Variants in CYRIB observed in about 807,000 individuals in gnomAD.
CYRIB encodes the protein CYFIP-related Rac1 interactor B.
A neutral mutation model predicts 44.2 loss-of-function variants in CYRIB; 8 were observed. The ratio of observed to expected loss-of-function variants is 0.18; its 90% confidence interval spans 0.11 to 0.33. CYRIB has a LOEUF of 0.33. Among genes scored for constraint, CYRIB ranks in the 10% least tolerant of loss-of-function variants. The probability of loss-of-function intolerance (pLI) is 1.00; values close to 1 mark genes in which losing one functional copy is unlikely to be tolerated. For missense variants in CYRIB, 185 were observed against 382.8 expected (o/e 0.48, Z 4.31); for synonymous variants, 131 against 127.2 (o/e 1.03, Z -0.20).
intron 1 of CYRIB, among the ~76,000 whole-genome samples, chr8:129,998,608 C>T (rs1427227005): frequency 2.0e-5 from 3 of 151,602 alleles, no homozygotes; most frequent in African/African-American, 7.3e-5. Context: ...GGGTTGTTGG[C>T]TTTGCAATGT....
chr8:129,922,639 G>T (rs1347542602), intron 1 of CYRIB, among the ~76,000 whole-genome samples: 4 of 151,764 alleles, frequency 2.6e-5, no homozygotes, highest in African/African-American at 9.7e-5. Flanking sequence ...CGAGGCGGGC[G>T]GATCACGAGG....
At chr8:129,850,031 T>C (rs530048390) in intron 9 of CYRIB, 12 of 152,360 alleles carry the variant, frequency 7.9e-5, no homozygotes, top group African/African-American at 2.9e-4. Flanking sequence ...GGAACCAGGA[T>C]AGAGACATCC....
chr8:129,912,434 T>G (rs925559155), intron 1 of CYRIB: 1 of 151,746 alleles, frequency 6.6e-6, no homozygotes, highest in Admixed American at 6.6e-5. Context: ...TTACAAAGTT[T>G]TTTTTTTTTT....
At chr8:129,930,748 A>G (rs2090946457) in intron 1 of CYRIB, among the ~76,000 whole-genome samples, 1 of 152,220 alleles carries the variant, frequency 6.6e-6, no homozygotes, top group African/African-American at 2.4e-5. Context: ...ACATTTTAAT[A>G]CAGGCAGTTC....
chr8:129,866,628 T>G (rs1272717457), intron 4 of CYRIB, among the ~76,000 whole-genome samples: 1 of 152,238 alleles, frequency 6.6e-6, no homozygotes, highest in Non-Finnish European at 1.5e-5. Flanking sequence ...AGTTAAAATT[T>G]TATTTTCTTC....
chr8:130,001,976 TG>T (rs1223511726), intron 1 of CYRIB, among the ~76,000 whole-genome samples: 3 of 152,220 alleles, frequency 2.0e-5, no homozygotes, highest in African/African-American at 7.2e-5. Flanking sequence ...GAGATGTCTA[TG>T]GTGGCTGTTC....
chr8:129,939,272 G>T (rs995755633), intron 1 of CYRIB, among the ~76,000 whole-genome samples: 1 of 151,090 alleles, frequency 6.6e-6, no homozygotes, highest in Non-Finnish European at 1.5e-5. Context: ...CACGGGAAGG[G>T]ACGAGCCAAC....
At chr8:129,848,597 GTC>G (rs755756162) in intron 10 of CYRIB, among the ~76,000 whole-genome samples, 1 of 152,112 alleles carries the variant, frequency 6.6e-6, no homozygotes, top group Non-Finnish European at 1.5e-5. Flanking sequence ...TCAAGACAGG[GTC>G]TCTCTCTCAC....
chr8:129,912,837 T>A (rs951270831), intron 1 of CYRIB, among the ~76,000 whole-genome samples: 5 of 152,116 alleles, frequency 3.3e-5, no homozygotes, highest in African/African-American at 1.2e-4. Flanking sequence ...AATCTGTGTG[T>A]CATGTTTACG....
At chr8:129,881,703 G>A (rs1181758884) in intron 2 of CYRIB, among the ~76,000 whole-genome samples, 1 of 152,176 alleles carries the variant, frequency 6.6e-6, no homozygotes, top group Non-Finnish European at 1.5e-5. Context: ...CAATGGGGGA[G>A]GTGGAGATCT....
At chr8:129,909,600 T>C (rs190728602) in intron 1 of CYRIB, among the ~76,000 whole-genome samples, 1 of 152,354 alleles carries the variant, frequency 6.6e-6, no homozygotes, top group East Asian at 1.9e-4. Flanking sequence ...TGCTGGACAT[T>C]CAGGTTTTTC....
At chr8:129,997,620 T>C (rs932879843) in intron 1 of CYRIB, among the ~76,000 whole-genome samples, 1 of 152,170 alleles carries the variant, frequency 6.6e-6, no homozygotes, top group South Asian at 2.1e-4. Context: ...CAGAATTAAT[T>C]GGTCCCTGGT....
chr8:129,992,219 G>T (rs1383061420), intron 1 of CYRIB, among the ~76,000 whole-genome samples: 1 of 151,962 alleles, frequency 6.6e-6, no homozygotes, highest in Non-Finnish European at 1.5e-5. Flanking sequence ...TATTCGGAGG[G>T]CTGAGGCAGG....
intron 1 of CYRIB, among the ~76,000 whole-genome samples, chr8:130,014,403 T>C (rs2097295448): frequency 6.6e-6 from 1 of 152,168 alleles, no homozygotes. Context: ...TCTGCACTAC[T>C]TCAACCTCAG....
chr8:129,984,302 G>A (rs924610950), intron 1 of CYRIB, among the ~76,000 whole-genome samples: 1 of 152,166 alleles, frequency 6.6e-6, no homozygotes, highest in South Asian at 2.1e-4. Context: ...CAGTTGCCCA[G>A]GACCTCCCCA....
At chr8:129,862,162 TA>T in intron 5 of CYRIB, 66 bp downstream of exon 7, 1 of 1,216,484 alleles carries the variant, frequency 8.2e-7, no homozygotes. Context: ...AAAAAAACTC[TA>T]AACTTCTGGA....
intron 11 of CYRIB, among the ~76,000 whole-genome samples, chr8:129,844,974 A>G (rs1193240469): frequency 6.6e-6 from 1 of 152,124 alleles, no homozygotes; most frequent in Non-Finnish European, 1.5e-5. Context: ...GCAACATTTT[A>G]TTTTCTAGTT....
intron 1 of CYRIB, among the ~76,000 whole-genome samples, chr8:129,918,354 C>G (rs1013439556): frequency 6.6e-6 from 1 of 152,164 alleles, no homozygotes; most frequent in Non-Finnish European, 1.5e-5. Context: ...AATCCCATGG[C>G]TTTTTGTTCT....
chr8:129,915,058 A>C (rs1397226907), intron 1 of CYRIB, among the ~76,000 whole-genome samples: 1 of 152,256 alleles, frequency 6.6e-6, no homozygotes, highest in East Asian at 1.9e-4. Context: ...TACAGTGCAA[A>C]TGAATTCCTA....
Sources: allele counts gnomAD v4.1 joint callset (sites outside exome capture counted in the v4.1 genomes callset), GRCh38; gene constraint gnomAD v4.1.1; transcripts MANE v1.5; gene names NCBI Gene and HGNC (gene_info 2026-07-23, HGNC 2026-07-21).